STC1: variants seen among roughly 807,000 people sequenced by gnomAD.
The protein encoded by STC1 is stanniocalcin 1.
A neutral mutation model predicts 22.6 loss-of-function variants in STC1; 7 were observed. The observed-to-expected ratio is 0.31, with a 90% CI of 0.18 to 0.58. The LOEUF (loss-of-function observed/expected upper bound fraction) is 0.58, where lower values mean the gene tolerates loss of function less well. STC1 is among the 20% of genes least tolerant of loss of function. The pLI, the probability that STC1 is intolerant of heterozygous loss-of-function variation, is 0.89. For synonymous variants in STC1, 113 were observed against 120.7 expected (o/e 0.94, Z 0.42); for missense variants, 224 against 311.0 (o/e 0.72, Z 2.10).
At chr8:23,852,663 A>G (rs1802652096) in intron 1 of STC1, among the ~76,000 whole-genome samples, 1 of 152,150 alleles carries the variant, frequency 6.6e-6, no homozygotes, top group South Asian at 2.1e-4. Context: ...TGGTGTCTGG[A>G]GAAGTGAGGC....
chr8:23,845,923 G>C (rs1176174122), intron 3 of STC1, among the ~76,000 whole-genome samples: 1 of 152,138 alleles, frequency 6.6e-6, no homozygotes, highest in Admixed American at 6.5e-5. Context: ...ATGGTTTTGT[G>C]ATGGCTTTCT....
At chr8:23,848,819 T>C (rs556622224) in intron 3 of STC1, among the ~76,000 whole-genome samples, 11 of 152,116 alleles carry the variant, frequency 7.2e-5, no homozygotes, top group Non-Finnish European at 1.3e-4. Context: ...GGTTTATAAA[T>C]AGTCCTTTGT....
At chr8:23,853,434 G>A (rs547625815) in intron 1 of STC1, among the ~76,000 whole-genome samples, 1 of 152,292 alleles carries the variant, frequency 6.6e-6, no homozygotes, top group East Asian at 1.9e-4. Context: ...AGGCAAGCTC[G>A]AATTGTGAAT....
intron 2 of STC1, among the ~76,000 whole-genome samples, chr8:23,851,774 GAACCGTGATC>G: frequency 1.3e-5 from 2 of 151,854 alleles, no homozygotes; most frequent in South Asian, 4.2e-4. Flanking sequence ...AAAAAAAGAT[GAACCGTGATC>G]AACCATTCTG....
At position 23,854,553 on chromosome 8, in the gene STC1, G is replaced by A. The variant is rs541049810; in HGVS notation, c.-30C>T. 25 of 1,327,470 alleles carry A rather than the reference G, an allele frequency of 1.9e-5. No individual in the cohort carries two copies. The highest frequency in any genetic ancestry group is 2.5e-5 in the Non-Finnish European group (24 of 964,138). The allele number at this position is 1,327,470 out of a possible 1,614,324, so 82.2% of individuals were successfully genotyped here. On this transcript the variant is annotated 5_prime_UTR_variant, in exon 1 of 4. Coordinates refer to ENST00000290271, the MANE Select transcript of STC1 (RefSeq NM_003155.3). ...TGAGAAGTTTCCGCTAAGTTGTTGG[G>A]TTTTTTTTTTTTCCTGCCCCCCTTT...
rs143373578 is a variant in STC1 at position 23,851,465 on chromosome 8, C to T, written c.328G>A (p.Ala110Thr). The stretch of plus-strand genomic sequence containing the variant: ...TGGAAAGTGGAGCACCTCCGAATGG[C>T]GAGGAAGACCTTGGAGGTGACCCCG... The part of the protein sequence containing the change: ...ANGVTSKVFL[A>T]IRRCSTFQRM... The change falls in exon 3 of 4, where the codon GCC (alanine) becomes ACC (threonine). Residue 110 changes from alanine to threonine, a missense_variant. Physicochemically the swap from Ala to Thr is moderately conservative, Grantham distance 58. Transcript: ENST00000290271. 62 of 1,614,118 alleles carry T rather than the reference C, an allele frequency of 3.8e-5. No homozygotes were observed. Among genetic ancestry groups the T allele is most frequent in the Middle Eastern group, 1.6e-4 (1 of 6,062 alleles).
intron 3 of STC1, among the ~76,000 whole-genome samples, chr8:23,850,607 T>A (rs1802626586): frequency 6.6e-6 from 1 of 152,184 alleles, no homozygotes; most frequent in African/African-American, 2.4e-5. Context: ...AATGCCCAGA[T>A]GTTACTGTAC....
intron 1 of STC1, chr8:23,854,040 T>C (rs1413915986): frequency 1.9e-6 from 2 of 1,060,266 alleles, no homozygotes; most frequent in African/African-American, 3.3e-5. Flanking sequence ...ACAAGCCAGG[T>C]CTTACCTTAG....
At chr8:23,850,942 G>A (rs1585307451) in intron 3 of STC1, among the ~76,000 whole-genome samples, 1 of 136,864 alleles carries the variant, frequency 7.3e-6, no homozygotes, top group South Asian at 2.3e-4. Flanking sequence ...TTTAATCATG[G>A]CCAATTGTGT....
Position 23,842,733 on chromosome 8 carries a change from A to AT in STC1, c.*2036_*2037insA, listed in dbSNP as rs1802528683. 2 of 152,586 alleles carry AT rather than the reference A, an allele frequency of 1.3e-5. No homozygotes were observed. The highest frequency in any genetic ancestry group is 2.4e-5 in the African/African-American group (1 of 41,400). The allele number at this position is 152,586 out of a possible 1,614,324, so 9.5% of individuals were successfully genotyped here. On this transcript the variant is annotated 3_prime_UTR_variant, in exon 4 of 4. Coordinates refer to ENST00000290271, the MANE Select transcript of STC1 (RefSeq NM_003155.3). ...TTAGAATATGGTCTACCTGATTTCC[A>AT]AGAGGCTAAGGCAGTGTCCATAAGT... is the stretch of plus-strand genomic sequence containing the variant.
rs199509202 is a variant in STC1 at position 23,854,541 on chromosome 8, C to A, written c.-18G>T. The A allele has an allele frequency of 6.2e-7, 1 of 1,600,866 alleles. No homozygotes were observed. ...TGGAGCATTCTCTGAGAAGTTTCCG[C>A]TAAGTTGTTGGGTTTTTTTTTTTTC... On this transcript the variant is annotated 5_prime_UTR_variant, in exon 1 of 4. Transcript: ENST00000290271.
At chr8:23,847,822 G>A (rs1186537260) in intron 3 of STC1, among the ~76,000 whole-genome samples, 2 of 152,242 alleles carry the variant, frequency 1.3e-5, no homozygotes, top group East Asian at 3.8e-4. Context: ...GGTAGGATGT[G>A]TCCATCCTTT....
rs1442057739 is a variant in STC1, at chr8:23,843,776, G to C, written c.*994C>G. On this transcript the variant is annotated 3_prime_UTR_variant, in exon 4 of 4. Coordinates refer to ENST00000290271, the MANE Select transcript of STC1 (RefSeq NM_003155.3). ...CTGGGGTCCTTCAGATAAACCTGTT[G>C]GTTTTTCCTGTCTCATACAGGCCCA... 5 of 152,432 alleles carry C rather than the reference G, an allele frequency of 3.3e-5. No homozygotes were observed. Among genetic ancestry groups the C allele is most frequent in the Non-Finnish European group, 5.9e-5 (4 of 68,022 alleles). The allele number at this position is 152,432 out of a possible 1,614,324, so 9.4% of individuals were successfully genotyped here. A position where few individuals can be genotyped will look rare whatever the true frequency, so the allele number is the denominator to read the frequency against.
At chr8:23,850,262 C>G (rs1195518500) in intron 3 of STC1, among the ~76,000 whole-genome samples, 3 of 152,140 alleles carry the variant, frequency 2.0e-5, no homozygotes, top group African/African-American at 7.2e-5. Flanking sequence ...GGTGGTGGCA[C>G]CTGGCTAGGA....
intron 3 of STC1, among the ~76,000 whole-genome samples, chr8:23,849,039 C>T (rs1303204216): frequency 6.6e-6 from 1 of 152,174 alleles, no homozygotes; most frequent in African/African-American, 2.4e-5. Context: ...CTCCAGCTAC[C>T]TCTTTACCCT....
rs1419836724 is a variant in STC1 at position 23,844,270 on chromosome 8, T to C, written c.*500A>G. 1 of 162,844 alleles carries C rather than the reference T, an allele frequency of 6.1e-6. No individual in the cohort carries two copies. Among genetic ancestry groups the C allele is most frequent in the Non-Finnish European group, 1.4e-5 (1 of 73,088 alleles). 10.1% of individuals were successfully genotyped at this position (162,844 alleles called of 1,614,324 possible). A position where few individuals can be genotyped will look rare whatever the true frequency, so the allele number is the denominator to read the frequency against. On this transcript the variant is annotated 3_prime_UTR_variant, in exon 4 of 4. Transcript: ENST00000290271. ...CCATAAGACACTAGCTCATTAGAGA[T>C]CAAGAATTCAAATGTGACATTCATA... is the stretch of plus-strand genomic sequence containing the variant.
chr8:23,854,553 G>GTTTT lies in STC1; in HGVS notation c.-34_-31dup. The GTTTT allele has an allele frequency of 7.5e-7, 1 of 1,327,084 alleles. No individual in the cohort carries two copies. The highest frequency in any genetic ancestry group is 1.0e-6 in the Non-Finnish European group (1 of 963,946). The allele number at this position is 1,327,084 out of a possible 1,614,324, so 82.2% of individuals were successfully genotyped here. ...TGAGAAGTTTCCGCTAAGTTGTTGG[G>GTTTT]TTTTTTTTTTTTCCTGCCCCCCTTT... On this transcript the variant is annotated 5_prime_UTR_variant, in exon 1 of 4. Transcript: ENST00000290271.
chr8:23,852,014 C>T (rs541925178), intron 2 of STC1, among the ~76,000 whole-genome samples: 8 of 151,886 alleles, frequency 5.3e-5, no homozygotes, highest in Admixed American at 1.3e-4. Context: ...GTGAGTGGGG[C>T]GTGTCTTATA....
intron 3 of STC1, among the ~76,000 whole-genome samples, chr8:23,848,655 C>T (rs1357666913): frequency 6.6e-6 from 1 of 151,038 alleles, no homozygotes; most frequent in East Asian, 1.9e-4. Flanking sequence ...CCCGAAAGGA[C>T]CTTTTTAATT....
Sources: gnomAD v4.1 joint callset for allele counts (sites outside exome capture counted in the v4.1 genomes callset) on GRCh38, gnomAD v4.1.1 for gene constraint, MANE v1.5 for transcripts, NCBI Gene and HGNC (gene_info 2026-07-23, HGNC 2026-07-21) for gene names.